The following RC3H1 variants were observed in gnomAD, a reference collection of about 807,000 sequenced individuals.
RC3H1 encodes roquin-1.
Under a neutral mutation model 138.2 loss-of-function variants are expected in RC3H1, and 50 were observed. The ratio of observed to expected loss-of-function variants is 0.36; its 90% CI spans 0.29 to 0.46. The LOEUF (loss-of-function observed/expected upper bound fraction) is 0.46. Among genes scored for constraint, RC3H1 ranks in the 20% least tolerant of loss-of-function variants. The pLI is 1.00. For synonymous variants in RC3H1, 462 were observed against 489.1 expected (o/e 0.94, Z 0.73); for missense variants, 1,031 against 1,388.1 (o/e 0.74, Z 4.09).
At position 173,952,082 on chromosome 1, in the gene RC3H1, T is replaced by A. The variant is rs769322307; in HGVS notation, c.2427A>T (p.Gln809His). 6.2e-7 allele frequency: 1 copy of A among 1,606,468 alleles called. No individual in the cohort carries two copies. The highest frequency in any genetic ancestry group is 8.5e-7 in the Non-Finnish European group (1 of 1,176,160). The stretch of plus-strand genomic sequence containing the variant: ...TGGTGTCACATGACCAGGGAGAGTA[T>A]TGGCTATAATCATTTCCTTTGTATT... ...AGKYKGNDYS[Q>H]YSPWSCDTIG... Residue 809 changes from glutamine (Q) to histidine (H), a missense_variant, in exon 14 of 20, where the codon CAA becomes CAT. Gln to His is a conservative substitution (Grantham distance 24, BLOSUM62 0). Around this residue, in one of 7 missense-constraint regions of RC3H1, gnomAD observed 716 missense variants for 837.9 expected, o/e 0.85. Coordinates refer to ENST00000367696, the MANE Select transcript of RC3H1 (RefSeq NM_172071.4).
chr1:173,941,484 C>T, intron 18 of RC3H1, 104 bp from the exon 19 acceptor site: 1 of 695,594 alleles, frequency 1.4e-6, no homozygotes, highest in Admixed American at 2.6e-5. Context: ...AAATCATATT[C>T]AATTTTGTAA....
intron 14 of RC3H1, among the ~76,000 whole-genome samples, 199 bp from the exon 15 acceptor site, chr1:173,947,781 G>A (rs1414675447): frequency 2.6e-5 from 4 of 151,992 alleles, no homozygotes; most frequent in Non-Finnish European, 5.9e-5. Context: ...CTCACACCGT[G>A]GCCCAGGCTG....
intron 1 of RC3H1, among the ~76,000 whole-genome samples, chr1:173,996,168 T>G (rs893022955): frequency 6.6e-6 from 1 of 152,060 alleles, no homozygotes; most frequent in Non-Finnish European, 1.5e-5. Context: ...GCAGTTGGAC[T>G]GCTTGAACCC....
intron 18 of RC3H1, 148 bp from the exon 19 acceptor site, chr1:173,941,528 A>G: frequency 1.7e-6 from 1 of 583,834 alleles, no homozygotes; most frequent in East Asian, 2.9e-5. Context: ...TAAAAGAGTG[A>G]CATACATAAA....
rs1266211412 is a variant in RC3H1, at chr1:173,937,445, CCACTAAA to C, written c.*1269_*1275del. On this transcript the variant is annotated 3_prime_UTR_variant, in exon 20 of 20. Coordinates refer to ENST00000367696, the MANE Select transcript of RC3H1 (RefSeq NM_172071.4). ...AGAGGGCAACTATATCAAACAGTCC[CCACTAAA>C]CACGTTTTATAGGGTCTTAGTTAAT... 1 of 152,204 alleles carries C rather than the reference CCACTAAA, an allele frequency of 6.6e-6. No individual in the cohort carries two copies. The highest frequency in any genetic ancestry group is 1.5e-5 in the Non-Finnish European group (1 of 67,948). 9.4% of individuals were successfully genotyped at this position (152,204 alleles called of 1,614,324 possible). A position where few individuals can be genotyped will look rare whatever the true frequency, so the allele number is the denominator to read the frequency against.
chr1:173,961,692 T>C (rs778377149), intron 12 of RC3H1, 33 bp downstream of exon 12: 2 of 1,571,148 alleles, frequency 1.3e-6, no homozygotes, highest in African/African-American at 1.4e-5. Flanking sequence ...ACAGTCAAAT[T>C]AAGTCTATGT....
intron 8 of RC3H1, among the ~76,000 whole-genome samples, chr1:173,970,882 T>C (rs1660326866): frequency 6.6e-6 from 1 of 151,614 alleles, no homozygotes; most frequent in African/African-American, 2.4e-5. Context: ...AATTCTTGAA[T>C]AAATCTCATG....
chr1:174,013,667 C>T (rs574764439), intron 1 of RC3H1, among the ~76,000 whole-genome samples: 8 of 152,058 alleles, frequency 5.3e-5, no homozygotes, highest in Non-Finnish European at 8.8e-5. Context: ...GTCTTGATCG[C>T]CTGACCTCGT....
intron 1 of RC3H1, 26 bp from the exon 2 acceptor site, chr1:173,993,161 A>T: frequency 3.4e-6 from 2 of 584,524 alleles, no homozygotes; most frequent in Non-Finnish European, 6.1e-6. Flanking sequence ...AAGGAAAAAA[A>T]TTGAGTGTCT....
intron 9 of RC3H1, 133 bp from the exon 10 acceptor site, chr1:173,965,253 T>C (rs1161693613): frequency 1.2e-6 from 1 of 848,154 alleles, no homozygotes; most frequent in Non-Finnish European, 1.8e-6. Flanking sequence ...ATATTTTGCA[T>C]AAAATCTCTA....
intron 13 of RC3H1, among the ~76,000 whole-genome samples, chr1:173,952,463 T>C (rs1249494011): frequency 2.0e-5 from 3 of 148,956 alleles, no homozygotes; most frequent in Non-Finnish European, 4.4e-5. Flanking sequence ...TAGGATTTTA[T>C]GGGTTTGCTC....
chr1:174,007,247 G>C (rs887542927), intron 1 of RC3H1, among the ~76,000 whole-genome samples: 1 of 151,908 alleles, frequency 6.6e-6, no homozygotes, highest in Non-Finnish European at 1.5e-5. Context: ...AAAATTAGCC[G>C]GGCGTGGTGG....
chr1:173,964,761 C>G, intron 10 of RC3H1, 78 bp downstream of exon 10: 1 of 1,269,666 alleles, frequency 7.9e-7, no homozygotes, highest in African/African-American at 1.5e-5. Flanking sequence ...TTTTTTAAAT[C>G]CCAAACATTA....
At chr1:173,999,273 G>A (rs138413287) in intron 1 of RC3H1, among the ~76,000 whole-genome samples, 3 of 151,444 alleles carry the variant, frequency 2.0e-5, no homozygotes, top group Non-Finnish European at 4.4e-5. Context: ...CCAGCTACTC[G>A]CGAGGCCAAG....
intron 17 of RC3H1, among the ~76,000 whole-genome samples, chr1:173,945,585 T>C (rs980377729): frequency 6.6e-6 from 1 of 152,186 alleles, no homozygotes. Context: ...GCCTAAAATA[T>C]CAGGGATATT....
chr1:173,964,018 G>C lies in RC3H1; in HGVS notation c.1786C>G (p.Pro596Ala), dbSNP rs2102940012. ...TCAAATGGCGGAGCTGCTCCTCGAG[G>C]ATCCTGATAATAAACATCCGTCTGT... ...AQQTDVYYQD[P>A]RGAAPPFEPA... Residue 596 changes from proline to alanine, a missense_variant, in exon 11 of 20, where the codon CCT (proline) becomes GCT (alanine). By Grantham distance (27) the Pro-to-Ala change is conservative (BLOSUM62 -1). Around this residue, in one of 7 missense-constraint regions of RC3H1, gnomAD observed 716 missense variants for 837.9 expected, o/e 0.85. Coordinates refer to ENST00000367696, the MANE Select transcript of RC3H1 (RefSeq NM_172071.4). The C allele has an allele frequency of 6.2e-7, 1 of 1,614,122 alleles. No individual in the cohort carries two copies. Among genetic ancestry groups the C allele is most frequent in the Non-Finnish European group, 8.5e-7 (1 of 1,180,010 alleles).
At chr1:174,002,647 C>A (rs751838281) in intron 1 of RC3H1, among the ~76,000 whole-genome samples, 7 of 152,146 alleles carry the variant, frequency 4.6e-5, no homozygotes, top group African/African-American at 1.7e-4. Context: ...CATTAAGAAC[C>A]TTATGAAATT....
intron 11 of RC3H1, among the ~76,000 whole-genome samples, chr1:173,963,730 A>G (rs1206573079): frequency 8.5e-5 from 13 of 152,310 alleles, no homozygotes; most frequent in Middle Eastern, 3.4e-3. Flanking sequence ...TAAATATTAT[A>G]TATGAACACA....
intron 1 of RC3H1, among the ~76,000 whole-genome samples, chr1:174,017,793 A>AAAAAAAAAAAAC (rs1661888311): frequency 7.1e-6 from 1 of 140,194 alleles, no homozygotes; most frequent in African/African-American, 3.2e-5. Flanking sequence ...CAAAAAAAAA[A>AAAAAAAAAAAAC]AAAAAAAAAA....
Sources: allele counts gnomAD v4.1 joint callset (sites outside exome capture counted in the v4.1 genomes callset), GRCh38; gene constraint gnomAD v4.1.1; regional missense constraint gnomAD v4.1.1; transcripts MANE v1.5; gene names NCBI Gene and HGNC (gene_info 2026-07-23, HGNC 2026-07-21).